NRXN3: variants seen among roughly 807,000 people sequenced by gnomAD.
NRXN3 encodes the protein neurexin 3.
A neutral mutation model predicts 137.6 loss-of-function variants in NRXN3; 32 were observed. That is an observed-to-expected ratio of 0.23 (90% CI 0.18 to 0.31). The LOEUF (loss-of-function observed/expected upper bound fraction) is 0.31. NRXN3 is among the 10% of genes least tolerant of loss of function. NRXN3 has a pLI of 1.00. For missense variants in NRXN3, 1,574 were observed against 2,062.5 expected, an observed-to-expected ratio of 0.76 and a Z score of 4.59; for synonymous variants, 798 against 784.5, an observed-to-expected ratio of 1.02 and a Z score of -0.29.
At chr14:79,107,500 A>G (rs1284761339) in intron 15 of NRXN3, among the ~76,000 whole-genome samples, 1 of 152,158 alleles carries the variant, frequency 6.6e-6, no homozygotes, top group Non-Finnish European at 1.5e-5. Context: ...TAACTGAGGG[A>G]ATGATGTAAT....
At chr14:78,769,387 A>T (rs970559536) in intron 8 of NRXN3, among the ~76,000 whole-genome samples, 1 of 152,222 alleles carries the variant, frequency 6.6e-6, no homozygotes, top group Non-Finnish European at 1.5e-5. Flanking sequence ...CCTATTTCCA[A>T]GTAAGGTCAC....
intron 4 of NRXN3, among the ~76,000 whole-genome samples, chr14:78,383,750 T>A (rs2089519102): frequency 6.6e-6 from 1 of 152,194 alleles, no homozygotes. Flanking sequence ...GGGCTCATAA[T>A]GTCTACCTTG....
At position 79,459,133 on chromosome 14, in the gene NRXN3, T is replaced by C. The variant is rs147291979; in HGVS notation, c.3263-8088T>C. The stretch of plus-strand genomic sequence containing the variant: ...GACCTGGATTAAAGTCCTAATTCCA[T>C]TCGATATTTGGTAAAAGATCTTGGC... On this transcript the variant is annotated intron_variant, in intron 15 of 20. Transcript: ENST00000335750. Among the ~76,000 whole-genome samples the C allele has an allele frequency of 2.6e-5, 4 of 152,250 alleles. No individual in the cohort carries two copies. The East Asian group carries it at 7.7e-4, about 29-fold the overall frequency.
chr14:79,690,158 T>C (rs913675303), intron 17 of NRXN3, among the ~76,000 whole-genome samples: 1 of 152,204 alleles, frequency 6.6e-6, no homozygotes, highest in African/African-American at 2.4e-5. Flanking sequence ...ACATCCTTTA[T>C]GATATCTGTC....
intron 20 of NRXN3, among the ~76,000 whole-genome samples, chr14:79,828,094 A>C (rs1200553372): frequency 6.6e-6 from 1 of 152,006 alleles, no homozygotes; most frequent in Non-Finnish European, 1.5e-5. Context: ...ACCAGGCCCC[A>C]CCTCCAGCTT....
chr14:79,808,288 G>A (rs1325474638), intron 20 of NRXN3, among the ~76,000 whole-genome samples: 31 of 145,650 alleles, frequency 2.1e-4, no homozygotes, highest in African/African-American at 7.4e-4. Context: ...ATGTATGTAT[G>A]TATGTATCTC....
chr14:78,638,444 A>G (rs986610987), intron 4 of NRXN3, among the ~76,000 whole-genome samples: 1 of 152,142 alleles, frequency 6.6e-6, no homozygotes, highest in Non-Finnish European at 1.5e-5. Flanking sequence ...CCTAAAATAC[A>G]TTGTAAGGGA....
rs534091973 is a variant in NRXN3, at chr14:78,396,930, T to C, written c.757+99070T>C. Reference sequence around the variant, plus strand: ...GGTCAAATTCTGGTTGGGGCTCTCTTTCTGGCTTACAGATGAGAGAGTTCT... The same window carrying C: ...GGTCAAATTCTGGTTGGGGCTCTCTCTCTGGCTTACAGATGAGAGAGTTCT... On this transcript the variant is annotated intron_variant, in intron 4 of 20. Transcript: ENST00000335750. Among the ~76,000 whole-genome samples, 6 of 152,276 alleles carry C rather than the reference T, an allele frequency of 3.9e-5. 1 individual carries two copies. In the South Asian group the frequency reaches 1.2e-3, roughly 32 times the overall value.
chr14:79,158,749 T>A (rs2153055447), intron 15 of NRXN3, among the ~76,000 whole-genome samples: 1 of 152,020 alleles, frequency 6.6e-6, no homozygotes, highest in South Asian at 2.1e-4. Flanking sequence ...TAAGCTATGA[T>A]ACCAGTGATT....
At chr14:79,407,811 A>G (rs1023142937) in intron 15 of NRXN3, among the ~76,000 whole-genome samples, 2 of 152,090 alleles carry the variant, frequency 1.3e-5, no homozygotes, top group Non-Finnish European at 2.9e-5. Flanking sequence ...TGGTGGGGGA[A>G]TCAAGGGTAG....
intron 19 of NRXN3, among the ~76,000 whole-genome samples, chr14:79,775,268 T>C (rs1318266202): frequency 2.0e-5 from 3 of 152,022 alleles, no homozygotes; most frequent in Non-Finnish European, 4.4e-5. Flanking sequence ...GAGATTAATG[T>C]TTATATATTT....
At chr14:79,701,825 G>T (rs1251607175) in intron 19 of NRXN3, among the ~76,000 whole-genome samples, 1 of 152,130 alleles carries the variant, frequency 6.6e-6, no homozygotes, top group East Asian at 1.9e-4. Context: ...AAGTAGGGAG[G>T]GTGGTGTACT....
intron 10 of NRXN3, among the ~76,000 whole-genome samples, chr14:78,933,903 G>A (rs1567745717): frequency 1.3e-5 from 2 of 151,828 alleles, no homozygotes; most frequent in African/African-American, 2.4e-5. Flanking sequence ...TGTATGCCTT[G>A]GACCAACATC....
chr14:78,552,634 C>G (rs531046136), intron 4 of NRXN3, among the ~76,000 whole-genome samples: 15 of 151,704 alleles, frequency 9.9e-5, no homozygotes, highest in African/African-American at 3.6e-4. Flanking sequence ...CCAGTGCACT[C>G]CAGTATGGGC....
Position 79,329,227 on chromosome 14 carries a change from G to C in NRXN3, c.3263-137994G>C, listed in dbSNP as rs80135384. Among the ~76,000 whole-genome samples, 1,185 of 152,224 alleles carry C rather than the reference G, an allele frequency of 7.8e-3. 25 individuals are homozygous for C. The highest frequency in any genetic ancestry group is 0.078 in the South Asian group (374 of 4,820). On this transcript the variant is annotated intron_variant, in intron 15 of 20. Coordinates refer to ENST00000335750, the MANE Select transcript of NRXN3 (RefSeq NM_001330195.2). ...AAGTCTACCAGAATCTTCTACTCCC[G>C]GGGTATTGTGAGAGCTATAGGGGGT...
chr14:78,634,246 C>T (rs2097547712), intron 4 of NRXN3, among the ~76,000 whole-genome samples: 1 of 152,318 alleles, frequency 6.6e-6, no homozygotes, highest in Non-Finnish European at 1.5e-5. Flanking sequence ...GATGCCAACG[C>T]ACGGAGCAGT....
intron 19 of NRXN3, among the ~76,000 whole-genome samples, chr14:79,775,833 T>G (rs1017367957): frequency 6.6e-6 from 1 of 152,212 alleles, no homozygotes; most frequent in Non-Finnish European, 1.5e-5. Flanking sequence ...GTTCTAGATC[T>G]ATCATAGGTG....
intron 1 of NRXN3, among the ~76,000 whole-genome samples, chr14:78,240,233 G>A (rs187860578): frequency 1.3e-5 from 2 of 152,314 alleles, no homozygotes; most frequent in East Asian, 3.9e-4. Flanking sequence ...GGGGGTACCT[G>A]TGTGTATGGT....
chr14:78,933,527 G>T (rs2099327745), intron 10 of NRXN3, among the ~76,000 whole-genome samples: 1 of 152,132 alleles, frequency 6.6e-6, no homozygotes, highest in African/African-American at 2.4e-5. Flanking sequence ...TGGTAAAGTT[G>T]CTCTTTTAAT....
Sources: gnomAD v4.1 joint callset for allele counts (sites outside exome capture counted in the v4.1 genomes callset) on GRCh38, gnomAD v4.1.1 for gene constraint, MANE v1.5 for transcripts, NCBI Gene and HGNC (gene_info 2026-07-23, HGNC 2026-07-21) for gene names.